The following C11orf65 variants were observed in gnomAD, a reference collection of about 807,000 sequenced individuals.
C11orf65 encodes the protein protein MFI.
In C11orf65, 38 loss-of-function variants were observed where a neutral mutation model predicts 35.3. The ratio of observed to expected loss-of-function variants is 1.08; its 90% CI spans 0.83 to 1.41. C11orf65 has a LOEUF of 1.41. C11orf65 is among the 40% of genes most tolerant of loss of function. The pLI, the probability that C11orf65 is intolerant of heterozygous loss-of-function variation, is 0.00. For missense variants in C11orf65, 370 were observed against 367.1 expected, an observed-to-expected ratio of 1.01 and a Z score of -0.06; for synonymous variants, 105 against 114.4, an observed-to-expected ratio of 0.92 and a Z score of 0.53.
At position 108,316,083 on chromosome 11, in the gene C11orf65, C is replaced by T. The variant is rs1057520449; in HGVS notation, c.641-7012G>A. On this transcript the variant is annotated intron_variant, in intron 6 of 6. Coordinates refer to the C11orf65 transcript ENST00000525729. ...CATATGACCTCGAAACAGCAATCCCCTCATCAACACGCCAGGCAGGAATCA... is the reference window on the plus strand; with the variant it reads ...CATATGACCTCGAAACAGCAATCCCTTCATCAACACGCCAGGCAGGAATCA... The T allele has an allele frequency of 2.5e-6, 4 of 1,614,120 alleles. No individual in the cohort carries two copies. The highest frequency in any genetic ancestry group is 1.7e-6 in the Non-Finnish European group (2 of 1,180,006).
At chr11:108,439,299 T>C (rs2093114331) in intron 2 of C11orf65, among the ~76,000 whole-genome samples, 1 of 152,172 alleles carries the variant, frequency 6.6e-6, no homozygotes, top group Admixed American at 6.5e-5. Context: ...TAACATCCAT[T>C]AGAATGGCTA....
intron 3 of C11orf65, chr11:108,331,692 A>G (rs1022309456): frequency 1.6e-5 from 22 of 1,335,104 alleles, no homozygotes; most frequent in African/African-American, 6.0e-5. Context: ...CTCACATCAC[A>G]TAAGTTACTC....
At chr11:108,437,529 C>A (rs1382760830) in intron 2 of C11orf65, among the ~76,000 whole-genome samples, 1 of 151,342 alleles carries the variant, frequency 6.6e-6, no homozygotes, top group Non-Finnish European at 1.5e-5. Flanking sequence ...CATGGTGAAA[C>A]CCCGTCTCTA....
At chr11:108,366,830 G>A (rs2091358406) in intron 2 of C11orf65, 1 of 229,862 alleles carries the variant, frequency 4.4e-6, no homozygotes, top group Non-Finnish European at 8.6e-6. Flanking sequence ...AGGGGTGGAA[G>A]GAGGTACATT....
At chr11:108,455,815 C>CAAAAAAAAAAAAAAAAAAAAAAAAAA (rs112701513) in intron 2 of C11orf65, among the ~76,000 whole-genome samples, 1 of 56,154 alleles carries the variant, frequency 1.8e-5, no homozygotes, top group Non-Finnish European at 3.2e-5. Context: ...GACTCCACCT[C>CAAAAAAAAAAAAAAAAAAAAAAAAAA]AAAAAAAAAA....
chr11:108,407,040 T>A, intron 4 of C11orf65, 56 bp downstream of exon 4: 1 of 1,573,742 alleles, frequency 6.4e-7, no homozygotes, highest in Non-Finnish European at 8.7e-7. Context: ...TTACATTGTT[T>A]CAATTTCATA....
intron 2 of C11orf65, among the ~76,000 whole-genome samples, chr11:108,453,599 A>G (rs1324371934): frequency 6.6e-6 from 1 of 152,248 alleles, no homozygotes. Context: ...TAGGGTAGCT[A>G]TAACAATATA....
intron 3 of C11orf65, among the ~76,000 whole-genome samples, chr11:108,413,579 T>C (rs552022063): frequency 6.6e-6 from 1 of 152,348 alleles, no homozygotes; most frequent in East Asian, 1.9e-4. Context: ...TGAGTGGTAA[T>C]AATAAGCATC....
In C11orf65 at chr11:108,345,732, T is replaced by C. The variant is rs2088259467; in HGVS notation, c.227-10440A>G. 2 of 1,565,104 alleles carry C rather than the reference T, an allele frequency of 1.3e-6. No individual in the cohort carries two copies. Among genetic ancestry groups the C allele is most frequent in the Non-Finnish European group, 1.7e-6 (2 of 1,144,492 alleles). On this transcript the variant is annotated intron_variant, in intron 2 of 3. Coordinates refer to the C11orf65 transcript ENST00000524755. ...TATTGAAAAATAATTATATATATTC[T>C]CTATTTAAAGGAGGTGCAAAAAAAG...
intron 2 of C11orf65, chr11:108,345,635 G>A: frequency 1.1e-6 from 1 of 897,986 alleles, no homozygotes; most frequent in Non-Finnish European, 1.6e-6. Context: ...AATGTATCCT[G>A]TTCATCTTTA....
In C11orf65 at chr11:108,385,967, G is replaced by A. The variant is rs1487576168; in HGVS notation, c.740C>T (p.Ala247Val). 1.2e-6 allele frequency: 2 copies of A among 1,613,526 alleles called. No homozygotes were observed. The highest frequency in any genetic ancestry group is 2.2e-5 in the East Asian group (1 of 44,846). The change falls in exon 8 of 9, where the codon GCC becomes GTC. Residue 247 changes from alanine (A) to valine (V), a missense_variant. Transcript: ENST00000393084. ...TNTLNFDEYI[A>V]SWKEIATSNS... ...GCTTGTAGCAATTTCCTTCCAGCTG[G>A]CAATGTACCTAAGCACATTATATGA...
At chr11:108,346,073 A>C (rs2088345411) in intron 2 of C11orf65, among the ~76,000 whole-genome samples, 1 of 152,116 alleles carries the variant, frequency 6.6e-6, no homozygotes, top group African/African-American at 2.4e-5. Context: ...TTTCTTGTTC[A>C]TCCTGATTCT....
chr11:108,416,131 A>G (rs571652796), intron 3 of C11orf65, among the ~76,000 whole-genome samples: 81 of 152,320 alleles, frequency 5.3e-4, no homozygotes, highest in African/African-American at 1.9e-3. Context: ...GTTGTACTCA[A>G]TGAAAGACAT....
chr11:108,461,736 T>G (rs2093476332), intron 1 of C11orf65, among the ~76,000 whole-genome samples, 168 bp from the exon 2 acceptor site: 1 of 152,148 alleles, frequency 6.6e-6, no homozygotes, highest in Non-Finnish European at 1.5e-5. Context: ...CAAGTGATCC[T>G]CTTGCCTTAA....
chr11:108,440,909 A>T, intron 2 of C11orf65, among the ~76,000 whole-genome samples: 1 of 152,220 alleles, frequency 6.6e-6, no homozygotes, highest in East Asian at 1.9e-4. Flanking sequence ...CAGCATGAGC[A>T]ACGCAGAAGA....
intron 6 of C11orf65, among the ~76,000 whole-genome samples, chr11:108,313,104 T>C (rs896096879): frequency 1.3e-5 from 2 of 152,242 alleles, no homozygotes; most frequent in Admixed American, 6.5e-5. Flanking sequence ...TGAAATCTCC[T>C]GGCATCTCCT....
chr11:108,399,158 T>C (rs1251103228), intron 6 of C11orf65, among the ~76,000 whole-genome samples: 2 of 152,026 alleles, frequency 1.3e-5, no homozygotes, highest in Non-Finnish European at 2.9e-5. Context: ...GGGGAAAAAA[T>C]GACATTCACA....
rs1017350972 is a variant in C11orf65, at chr11:108,366,474, T to C, written c.226+26734A>G. The C allele has an allele frequency of 3.6e-5, 8 of 224,720 alleles. No homozygotes were observed. In the Admixed American group the frequency reaches 4.0e-4, roughly 11 times the overall value. 13.9% of individuals were successfully genotyped at this position (224,720 alleles called of 1,614,324 possible). The stretch of plus-strand genomic sequence containing the variant: ...GACACTGTAATAGTTCTATTAAATT[T>C]AGTTCCTGCTGTTTATATCTGTTGA... On this transcript the variant is annotated intron_variant, in intron 2 of 3. Transcript: ENST00000524755.
intron 2 of C11orf65, among the ~76,000 whole-genome samples, chr11:108,362,952 T>TA (rs923571513): frequency 6.1e-4 from 92 of 151,408 alleles, no homozygotes; most frequent in East Asian, 3.5e-3. Flanking sequence ...AAGTATAATT[T>TA]AAAAAAAACT....
Sources: allele counts gnomAD v4.1 joint callset (sites outside exome capture counted in the v4.1 genomes callset), GRCh38; gene constraint gnomAD v4.1.1; transcripts MANE v1.5; gene names NCBI Gene and HGNC (gene_info 2026-07-23, HGNC 2026-07-21).